MYT1L: variants seen among roughly 807,000 people sequenced by gnomAD.
MYT1L encodes myelin transcription factor 1 like.
MYT1L carries 12 observed loss-of-function variants against 126.7 expected under a neutral mutation model. That is an observed-to-expected ratio of 0.09 (90% CI 0.06 to 0.15). The LOEUF (loss-of-function observed/expected upper bound fraction) is 0.15, where lower values mean the gene tolerates loss of function less well. Among genes scored for constraint, MYT1L ranks in the 10% least tolerant of loss-of-function variants. The pLI, the probability that MYT1L is intolerant of heterozygous loss-of-function variation, is 1.00. For missense variants in MYT1L, 979 were observed against 1,585.2 expected (o/e 0.62, Z 6.49); for synonymous variants, 541 against 604.2 (o/e 0.90, Z 1.53).
chr2:1,903,953 G>A (rs565653866), intron 13 of MYT1L, among the ~76,000 whole-genome samples: 370 of 151,214 alleles, frequency 2.4e-3, no homozygotes, highest in African/African-American at 8.5e-3. Flanking sequence ...GTGTGTGCGC[G>A]TGCGCGCGTG....
chr2:2,265,029 A>AT (rs1217505229), intron 2 of MYT1L, among the ~76,000 whole-genome samples: 3,358 of 144,306 alleles, frequency 0.023, 46 homozygotes, highest in Non-Finnish European at 0.024. Context: ...GTCTTTTTTA[A>AT]TTTTTTTTTT....
Position 1,870,933 on chromosome 2 carries a change from C to T in MYT1L, c.2711+15606G>A, listed in dbSNP as rs552373605. Among the ~76,000 whole-genome samples, 15 of 152,334 alleles carry T rather than the reference C, an allele frequency of 9.8e-5. No individual in the cohort carries two copies. The South Asian group carries it at 2.3e-3, about 23-fold the overall frequency. ...CTGCCCACTGGGCATCTGGACCATC[C>T]GTTTCTCACTGGTCTTCTGCTTTAC... On this transcript the variant is annotated intron_variant, in intron 18 of 24. Coordinates refer to ENST00000647738, the MANE Select transcript of MYT1L (RefSeq NM_001303052.2).
At chr2:2,188,139 T>A (rs932280448) in intron 2 of MYT1L, among the ~76,000 whole-genome samples, 1 of 152,142 alleles carries the variant, frequency 6.6e-6, no homozygotes, top group Non-Finnish European at 1.5e-5. Flanking sequence ...CACAAATGCA[T>A]GCACACACAC....
At chr2:1,813,109 C>G (rs1347770162) in intron 21 of MYT1L, among the ~76,000 whole-genome samples, 1 of 152,186 alleles carries the variant, frequency 6.6e-6, no homozygotes, top group African/African-American at 2.4e-5. Flanking sequence ...CTTCCGCCGT[C>G]TGAACCTCCG....
chr2:2,124,249 A>G (rs2081400431), intron 3 of MYT1L, among the ~76,000 whole-genome samples: 1 of 152,196 alleles, frequency 6.6e-6, no homozygotes, highest in Non-Finnish European at 1.5e-5. Flanking sequence ...AAATACAACC[A>G]CATAAGCCAA....
chr2:2,029,603 G>T (rs1046475065), intron 4 of MYT1L, among the ~76,000 whole-genome samples: 3 of 152,146 alleles, frequency 2.0e-5, no homozygotes, highest in African/African-American at 7.2e-5. Context: ...CAGCAAAGCC[G>T]TATCGATGTG....
Position 2,054,075 on chromosome 2 carries a change from T to C in MYT1L, c.-255A>G, listed in dbSNP as rs2069167395. ...TAGCTTGAAAGATGCAAACACTTGATTGAATTCAATAACTACATTTTTTTC... is the reference window on the plus strand; with the variant it reads ...TAGCTTGAAAGATGCAAACACTTGACTGAATTCAATAACTACATTTTTTTC... On this transcript the variant is annotated 5_prime_UTR_variant, in exon 4 of 25. Coordinates refer to ENST00000647738, the MANE Select transcript of MYT1L (RefSeq NM_001303052.2). The C allele has an allele frequency of 6.5e-6, 1 of 152,672 alleles. No individual in the cohort carries two copies. The highest frequency in any genetic ancestry group is 2.4e-5 in the African/African-American group (1 of 41,464). The allele number at this position is 152,672 out of a possible 1,614,324, so 9.5% of individuals were successfully genotyped here.
chr2:1,946,368 C>A (rs1469645), intron 8 of MYT1L, among the ~76,000 whole-genome samples: 32,273 of 151,904 alleles, frequency 0.21, 3,515 homozygotes, highest in East Asian at 0.31. Context: ...ATTACATCCT[C>A]TCCACCCCCA....
At chr2:2,076,954 TG>T (rs1394712027) in intron 3 of MYT1L, among the ~76,000 whole-genome samples, 1 of 152,168 alleles carries the variant, frequency 6.6e-6, no homozygotes, top group Non-Finnish European at 1.5e-5. Context: ...AAAGGAATCA[TG>T]GCAATTTTGC....
At chr2:2,062,890 C>T (rs1208376631) in intron 3 of MYT1L, among the ~76,000 whole-genome samples, 1 of 123,574 alleles carries the variant, frequency 8.1e-6, no homozygotes, top group Non-Finnish European at 1.8e-5. Flanking sequence ...TTTCTCCCAT[C>T]ATGTGACATA....
rs573691954 is a variant in MYT1L, at chr2:1,910,215, C to T, written c.1817+25G>A. 1.0e-5 allele frequency: 16 copies of T among 1,601,086 alleles called. No homozygotes were observed. The highest frequency in any genetic ancestry group is 3.3e-5 in the Admixed American group (2 of 59,918). Reference sequence around the variant, plus strand: ...TGGGGCAGACTATGGATAGAGCTCACGGATGGTGCACTCCTGCTGGGTACC... The same window carrying T: ...TGGGGCAGACTATGGATAGAGCTCATGGATGGTGCACTCCTGCTGGGTACC... On this transcript the variant is annotated intron_variant, in intron 13 of 24. Transcript: ENST00000647738. This position sits in a 1 kb window ranked among gnomAD's most constrained non-coding sequence, Gnocchi z 4.8.
intron 2 of MYT1L, among the ~76,000 whole-genome samples, chr2:2,246,666 C>T (rs1425912204): frequency 6.6e-6 from 1 of 152,106 alleles, no homozygotes; most frequent in East Asian, 1.9e-4. Context: ...TTCACAATGC[C>T]TAAGTGAAAA....
chr2:1,886,911 A>G, intron 17 of MYT1L: 1 of 400,686 alleles, frequency 2.5e-6, no homozygotes. Flanking sequence ...TATACAACAC[A>G]TAAATTAGCA....
In MYT1L at chr2:1,898,624, G is replaced by A. The variant is rs539810776; in HGVS notation, c.2032+4456C>T. 1.4e-4 allele frequency among the ~76,000 whole-genome samples: 21 copies of A among 152,328 alleles called. No homozygotes were observed. The East Asian group carries it at 1.7e-3, about 13-fold the overall frequency. On this transcript the variant is annotated intron_variant, in intron 14 of 24. Coordinates refer to ENST00000647738, the MANE Select transcript of MYT1L (RefSeq NM_001303052.2). ...CTTGCGGCCCGTGGGAAGACAGGCC[G>A]TCTTGGCAGGTGGTACCCAAGAGGT...
At chr2:2,052,931 C>G (rs1364220059) in intron 4 of MYT1L, among the ~76,000 whole-genome samples, 1 of 152,156 alleles carries the variant, frequency 6.6e-6, no homozygotes, top group African/African-American at 2.4e-5. Flanking sequence ...AATTCCACTT[C>G]TGGGTTGATG....
Position 1,950,014 on chromosome 2 carries a change from G to A in MYT1L, c.153-6680C>T, listed in dbSNP as rs140856182. 3.9e-5 allele frequency among the ~76,000 whole-genome samples: 6 copies of A among 152,086 alleles called. No individual in the cohort carries two copies. In the East Asian group the frequency reaches 1.2e-3, roughly 30 times the overall value. On this transcript the variant is annotated intron_variant, in intron 8 of 24. Transcript: ENST00000647738. ...AACCAGCTCAGTTAATACCAGCACT[G>A]CTTAGAAAGTGCTTCCTGTGTGCTT...
chr2:1,792,700 T>C (rs556535449), intron 23 of MYT1L, among the ~76,000 whole-genome samples: 7 of 151,832 alleles, frequency 4.6e-5, no homozygotes, highest in African/African-American at 1.7e-4. Flanking sequence ...TTAAACCCTG[T>C]CTCTACTAAA....
intron 1 of MYT1L, among the ~76,000 whole-genome samples, chr2:2,313,943 G>A (rs1006105848): frequency 6.6e-6 from 1 of 152,124 alleles, no homozygotes; most frequent in Non-Finnish European, 1.5e-5. Context: ...ACCTCTCTCT[G>A]TGAAGAAGAA....
intron 3 of MYT1L, among the ~76,000 whole-genome samples, chr2:2,087,775 C>T (rs1390260750): frequency 6.6e-6 from 1 of 152,058 alleles, no homozygotes; most frequent in African/African-American, 2.4e-5. Context: ...ACAAATAGAT[C>T]AAGTCAAAAG....
Sources: gnomAD v4.1 joint callset for allele counts (sites outside exome capture counted in the v4.1 genomes callset) on GRCh38, gnomAD v4.1.1 for gene constraint, Gnocchi (gnomAD v3.1) non-coding constraint, MANE v1.5 for transcripts, NCBI Gene and HGNC (gene_info 2026-07-23, HGNC 2026-07-21) for gene names.